SPAG16: variants seen among roughly 807,000 people sequenced by gnomAD.
SPAG16 encodes the protein sperm associated antigen 16.
In SPAG16, 86 loss-of-function variants were observed where a neutral mutation model predicts 80.4. That is an observed-to-expected ratio of 1.07 (90% CI 0.90 to 1.28). The LOEUF is 1.28. SPAG16 is among the 50% of genes most tolerant of loss of function. The pLI, the probability that SPAG16 is intolerant of heterozygous loss-of-function variation, is 0.00. For synonymous variants in SPAG16, 294 were observed against 265.9 expected (o/e 1.11, Z -1.03); for missense variants, 870 against 765.3 (o/e 1.14, Z -1.61).
At chr2:213,501,719 T>C (rs1207436785) in intron 10 of SPAG16, among the ~76,000 whole-genome samples, 1 of 152,214 alleles carries the variant, frequency 6.6e-6, no homozygotes, top group East Asian at 1.9e-4. Flanking sequence ...AGAGTATACT[T>C]TTCCTTTTTG....
chr2:213,964,611 C>G (rs1357114194), intron 12 of SPAG16, among the ~76,000 whole-genome samples: 1 of 151,906 alleles, frequency 6.6e-6, no homozygotes, highest in Non-Finnish European at 1.5e-5. Context: ...TTTGGGATCC[C>G]CTGTACATGA....
intron 15 of SPAG16, among the ~76,000 whole-genome samples, chr2:214,357,748 T>C (rs895698866): frequency 6.6e-6 from 1 of 151,988 alleles, no homozygotes; most frequent in African/African-American, 2.4e-5. Context: ...GTTACCTTAT[T>C]TATTTTGTAA....
At position 213,442,278 on chromosome 2, in the gene SPAG16, T is replaced by C. The variant is rs113212981; in HGVS notation, c.943-47685T>C. Among the ~76,000 whole-genome samples, 689 of 152,344 alleles carry C rather than the reference T, an allele frequency of 4.5e-3. 3 individuals carry two copies. Among genetic ancestry groups the C allele is most frequent in the Middle Eastern group, 0.01 (3 of 294 alleles). On this transcript the variant is annotated intron_variant, in intron 9 of 15. Transcript: ENST00000331683. ...ACTCTGATGAAAGAAATCAAAGAACTAAATAAATGGAGATTTATTTCGTGT... is the reference window on the plus strand; with the variant it reads ...ACTCTGATGAAAGAAATCAAAGAACCAAATAAATGGAGATTTATTTCGTGT...
intron 15 of SPAG16, among the ~76,000 whole-genome samples, chr2:214,313,573 A>C (rs1259654224): frequency 6.6e-6 from 1 of 152,132 alleles, no homozygotes; most frequent in Non-Finnish European, 1.5e-5. Context: ...GAATTGCATA[A>C]ATATTATCTA....
intron 15 of SPAG16, among the ~76,000 whole-genome samples, chr2:214,314,502 A>AC (rs1222858047): frequency 6.6e-6 from 1 of 152,194 alleles, no homozygotes; most frequent in Non-Finnish European, 1.5e-5. Flanking sequence ...CAAAGACCCT[A>AC]CAGTCAGTCT....
chr2:213,938,999 TC>T (rs1462409663), intron 12 of SPAG16, among the ~76,000 whole-genome samples: 1 of 152,104 alleles, frequency 6.6e-6, no homozygotes, highest in African/African-American at 2.4e-5. Flanking sequence ...TAACTTGTGT[TC>T]TGGGTAAAAA....
chr2:213,708,843 T>C (rs949723856), intron 10 of SPAG16, among the ~76,000 whole-genome samples: 2 of 151,918 alleles, frequency 1.3e-5, no homozygotes, highest in African/African-American at 4.8e-5. Context: ...AAATGGCAAG[T>C]GAGTGGAGGG....
chr2:214,197,809 C>T (rs2125712211), intron 15 of SPAG16, among the ~76,000 whole-genome samples: 1 of 151,436 alleles, frequency 6.6e-6, no homozygotes, highest in Admixed American at 6.6e-5. Context: ...TGTGTTTTTC[C>T]ACTGAATTAA....
At chr2:214,376,800 G>C (rs961269988) in intron 15 of SPAG16, among the ~76,000 whole-genome samples, 1 of 152,174 alleles carries the variant, frequency 6.6e-6, no homozygotes, top group African/African-American at 2.4e-5. Flanking sequence ...CTAGCAATGA[G>C]TGTTCTGTAA....
chr2:213,445,661 C>G (rs534165407), intron 9 of SPAG16, among the ~76,000 whole-genome samples: 1 of 151,658 alleles, frequency 6.6e-6, no homozygotes, highest in Admixed American at 6.6e-5. Flanking sequence ...AGTGAAACTC[C>G]GTCTCAAAAA....
intron 10 of SPAG16, among the ~76,000 whole-genome samples, chr2:213,750,542 T>TTCTC (rs1426910549): frequency 4.6e-5 from 7 of 152,218 alleles, no homozygotes; most frequent in Admixed American, 1.3e-4. Context: ...TGATGGTAGG[T>TTCTC]TCTCTTGTTG....
intron 9 of SPAG16, among the ~76,000 whole-genome samples, chr2:213,402,573 C>T (rs887390329): frequency 6.7e-6 from 1 of 149,592 alleles, no homozygotes; most frequent in African/African-American, 2.5e-5. Flanking sequence ...CTATCCCTCC[C>T]CCCTCCCCAC....
chr2:213,348,476 T>C (rs1373207782), intron 6 of SPAG16, among the ~76,000 whole-genome samples: 1 of 152,192 alleles, frequency 6.6e-6, no homozygotes, highest in African/African-American at 2.4e-5. Flanking sequence ...CTAGCCTCGA[T>C]GGTCTTTACA....
At chr2:213,640,143 CTGTTTT>C (rs1459125691) in intron 10 of SPAG16, among the ~76,000 whole-genome samples, 1 of 151,656 alleles carries the variant, frequency 6.6e-6, no homozygotes, top group Non-Finnish European at 1.5e-5. Context: ...CATCCATATT[CTGTTTT>C]TAAGTTTTGG....
chr2:213,761,082 T>C (rs907814701), intron 10 of SPAG16, among the ~76,000 whole-genome samples: 2 of 152,174 alleles, frequency 1.3e-5, no homozygotes, highest in African/African-American at 4.8e-5. Context: ...GGGGACATAT[T>C]CAAACCATAG....
At chr2:214,272,306 T>A (rs2125895472) in intron 15 of SPAG16, among the ~76,000 whole-genome samples, 1 of 152,242 alleles carries the variant, frequency 6.6e-6, no homozygotes, top group Non-Finnish European at 1.5e-5. Context: ...AAATTTTTTT[T>A]TTATTATACT....
At chr2:214,129,445 G>T (rs1333108766) in intron 14 of SPAG16, among the ~76,000 whole-genome samples, 1 of 152,050 alleles carries the variant, frequency 6.6e-6, no homozygotes, top group Non-Finnish European at 1.5e-5. Context: ...CAGGTTTTTG[G>T]TTGTTTCAGG....
chr2:213,915,273 T>C (rs992065158), intron 11 of SPAG16, among the ~76,000 whole-genome samples: 1 of 152,008 alleles, frequency 6.6e-6, no homozygotes, highest in East Asian at 1.9e-4. Flanking sequence ...ATGCTATCCC[T>C]CCCCTAGTCC....
intron 10 of SPAG16, among the ~76,000 whole-genome samples, chr2:213,734,232 C>T (rs1211550836): frequency 6.6e-6 from 1 of 152,066 alleles, no homozygotes; most frequent in African/African-American, 2.4e-5. Flanking sequence ...ATGAGCAGGA[C>T]CCAGCAAGAA....
Sources: allele counts gnomAD v4.1 joint callset (sites outside exome capture counted in the v4.1 genomes callset), GRCh38; gene constraint gnomAD v4.1.1; transcripts MANE v1.5; gene names NCBI Gene and HGNC (gene_info 2026-07-23, HGNC 2026-07-21).